PRKD3: variants seen among roughly 807,000 people sequenced by gnomAD.
PRKD3 encodes the protein protein kinase D3, also known as serine/threonine-protein kinase D3.
PRKD3 carries 47 observed loss-of-function variants against 99.2 expected under a neutral mutation model. That is an observed-to-expected ratio of 0.47 (90% CI 0.38 to 0.60). The LOEUF (loss-of-function observed/expected upper bound fraction) is 0.60. PRKD3 is among the 20% of genes least tolerant of loss of function. The probability of loss-of-function intolerance (pLI) is 0.00; values close to 1 mark genes in which losing one functional copy is unlikely to be tolerated. For synonymous variants in PRKD3, 392 were observed against 355.4 expected (o/e 1.10, Z -1.16); for missense variants, 1,019 against 1,088.4 (o/e 0.94, Z 0.90).
rs780818936 is a variant in PRKD3, at chr2:37,272,333, CTTATT to C, written c.1704+42_1704+46del. The stretch of plus-strand genomic sequence containing the variant: ...ATAAAGATTTTCACCTTTTATTTTC[CTTATT>C]TTAATCACCCAGTTTACACATTAGC... On this transcript the variant is annotated intron_variant, in intron 12 of 18. Coordinates refer to ENST00000234179, the MANE Select transcript of PRKD3 (RefSeq NM_005813.6). The C allele has an allele frequency of 1.9e-4, 299 of 1,589,526 alleles. No homozygotes were observed. The African/African-American group carries it at 3.7e-3, about 20-fold the overall frequency.
intron 8 of PRKD3, chr2:37,279,138 G>GA (rs1669717671): frequency 1.3e-5 from 2 of 152,172 alleles, no homozygotes; most frequent in South Asian, 4.1e-4. Context: ...TGTTTCCAAT[G>GA]AAAAACAAAA....
chr2:37,253,050 A>G lies in PRKD3; in HGVS notation c.*127T>C. ...CATTATGAACTACAGTACTGGTGTC[A>G]CTTATTCGTTATCATATTTCTTCAT... On this transcript the variant is annotated 3_prime_UTR_variant, in exon 19 of 19. Coordinates refer to ENST00000234179, the MANE Select transcript of PRKD3 (RefSeq NM_005813.6). 1 of 969,112 alleles carries G rather than the reference A, an allele frequency of 1.0e-6. No individual in the cohort carries two copies. The highest frequency in any genetic ancestry group is 1.5e-6 in the Non-Finnish European group (1 of 670,322). The allele number at this position is 969,112 out of a possible 1,614,324, so 60.0% of individuals were successfully genotyped here. A position where few individuals can be genotyped will look rare whatever the true frequency, so the allele number is the denominator to read the frequency against.
intron 2 of PRKD3, among the ~76,000 whole-genome samples, chr2:37,299,141 G>A (rs7572751): frequency 0.073 from 11,069 of 152,084 alleles, 1,367 homozygotes; most frequent in African/African-American, 0.25. Context: ...AGTTTTCATT[G>A]TGTTGAATTT....
intron 11 of PRKD3, among the ~76,000 whole-genome samples, chr2:37,272,831 A>T (rs1212013412): frequency 1.3e-5 from 2 of 152,128 alleles, no homozygotes; most frequent in African/African-American, 4.8e-5. Context: ...AAAAATTTTA[A>T]AATTAGCCAG....
intron 2 of PRKD3, among the ~76,000 whole-genome samples, chr2:37,308,305 TTC>T (rs1455159209): frequency 2.0e-5 from 3 of 152,248 alleles, no homozygotes; most frequent in African/African-American, 7.2e-5. Context: ...TTTTCATGTT[TTC>T]TTTTATTGAT....
At position 37,275,175 on chromosome 2, in the gene PRKD3, G is replaced by A. The variant is rs537933023; in HGVS notation, c.1375-478C>T. On this transcript the variant is annotated intron_variant, in intron 10 of 18. Transcript: ENST00000234179. ...ACCTGTAGCAATCATTATATTTTTA[G>A]TCCACTTCCTAAGGCAAAAAAAAAA... 1.3e-4 allele frequency among the ~76,000 whole-genome samples: 20 copies of A among 148,522 alleles called. No individual in the cohort carries two copies. The South Asian group carries it at 4.5e-3, about 33-fold the overall frequency.
chr2:37,264,340 C>CA, intron 14 of PRKD3, among the ~76,000 whole-genome samples: 2 of 152,112 alleles, frequency 1.3e-5, no homozygotes, highest in Non-Finnish European at 2.9e-5. Context: ...GCCGTGTACC[C>CA]AGTACTATGT....
At chr2:37,309,940 C>A (rs1443883601) in intron 2 of PRKD3, among the ~76,000 whole-genome samples, 1 of 151,494 alleles carries the variant, frequency 6.6e-6, no homozygotes, top group Non-Finnish European at 1.5e-5. Context: ...TTTTCACATG[C>A]AGCCCAAGAA....
At position 37,303,201 on chromosome 2, in the gene PRKD3, C is replaced by T. The variant is rs75560377; in HGVS notation, c.289-9930G>A. Among the ~76,000 whole-genome samples, 835 of 152,178 alleles carry T rather than the reference C, an allele frequency of 5.5e-3. 7 individuals carry two copies. Among genetic ancestry groups the T allele is most frequent in the South Asian group, 0.034 (165 of 4,814 alleles). ...TCAGGAGAAGATTACCTGCCCGTCCCGTCCCCTCTCCCACATCCCACTCTG... is the reference window on the plus strand; with the variant it reads ...TCAGGAGAAGATTACCTGCCCGTCCTGTCCCCTCTCCCACATCCCACTCTG... On this transcript the variant is annotated intron_variant, in intron 2 of 18. Coordinates refer to ENST00000234179, the MANE Select transcript of PRKD3 (RefSeq NM_005813.6).
intron 2 of PRKD3, among the ~76,000 whole-genome samples, chr2:37,298,415 T>TC (rs1670767921): frequency 1.3e-5 from 2 of 148,776 alleles, no homozygotes; most frequent in Admixed American, 6.6e-5. Flanking sequence ...AAAGTTATTT[T>TC]TTTTTTTAAA....
intron 7 of PRKD3, 168 bp downstream of exon 7, chr2:37,282,374 A>G: frequency 1.8e-6 from 1 of 565,890 alleles, no homozygotes; most frequent in Non-Finnish European, 3.2e-6. Flanking sequence ...GTGATTACTA[A>G]TAAATGTATA....
Position 37,253,293 on chromosome 2 carries a change from TG to T in PRKD3, c.2556del (p.Tyr852Ter). 6.2e-7 allele frequency: 1 copy of T among 1,613,176 alleles called. No homozygotes were observed. Among genetic ancestry groups the T allele is most frequent in the Non-Finnish European group, 8.5e-7 (1 of 1,179,322 alleles). ...REFETRIGER[Y>X]ITHESDDARW... is the part of the protein sequence containing the mutation. ...CGAGCATCATCACTTTCATGTGTAA[TG>T]TAACGTTCTCCAATGCGAGTTTCAA... On this transcript the variant is annotated frameshift_variant, in exon 19 of 19. Coordinates refer to ENST00000234179, the MANE Select transcript of PRKD3 (RefSeq NM_005813.6). LOFTEE classifies it high-confidence loss of function.
chr2:37,259,029 T>G (rs1668202099), intron 16 of PRKD3, among the ~76,000 whole-genome samples: 2 of 147,458 alleles, frequency 1.4e-5, no homozygotes, highest in African/African-American at 5.0e-5. Flanking sequence ...GCAATAAATT[T>G]AGTGGATCAA....
intron 17 of PRKD3, 42 bp from the exon 18 acceptor site, chr2:37,254,331 C>CA (rs1667763827): frequency 6.8e-7 from 1 of 1,479,558 alleles, no homozygotes. Flanking sequence ...TTTGGGTGCA[C>CA]AGAGTACCCC....
At chr2:37,262,901 C>CA (rs1668575619) in intron 14 of PRKD3, among the ~76,000 whole-genome samples, 1 of 147,624 alleles carries the variant, frequency 6.8e-6, no homozygotes, top group Admixed American at 7.1e-5. Flanking sequence ...TCCTTCCCCC[C>CA]CCCGTATTTG....
intron 2 of PRKD3, among the ~76,000 whole-genome samples, chr2:37,310,550 A>T (rs1671380600): frequency 6.6e-6 from 1 of 152,252 alleles, no homozygotes; most frequent in Admixed American, 6.5e-5. Context: ...TTATTCAACC[A>T]AAGAATATTC....
rs555704259 is a variant in PRKD3 at position 37,305,638 on chromosome 2, C to A, written c.288+10599G>T. On this transcript the variant is annotated intron_variant, in intron 2 of 18. Coordinates refer to ENST00000234179, the MANE Select transcript of PRKD3 (RefSeq NM_005813.6). Reference sequence around the variant, plus strand: ...ACTCTTAAAACAAGTAATCCAGGCCCTTTAATAAGATAAACACTTTATCTC... The same window carrying A: ...ACTCTTAAAACAAGTAATCCAGGCCATTTAATAAGATAAACACTTTATCTC... Among the ~76,000 whole-genome samples the A allele has an allele frequency of 1.2e-4, 18 of 152,312 alleles. No individual in the cohort carries two copies. The East Asian group carries it at 2.5e-3, about 21-fold the overall frequency.
At chr2:37,283,258 G>A (rs537164190) in intron 6 of PRKD3, among the ~76,000 whole-genome samples, 19 of 152,220 alleles carry the variant, frequency 1.2e-4, no homozygotes, top group South Asian at 4.1e-4. Context: ...AAATTCTTGC[G>A]CCCTATCCCA....
intron 17 of PRKD3, among the ~76,000 whole-genome samples, chr2:37,254,882 G>A (rs546702370): frequency 6.6e-6 from 1 of 152,294 alleles, no homozygotes; most frequent in Admixed American, 6.5e-5. Context: ...GTGTTTTAGT[G>A]TACATGGTGA....
Sources: allele counts gnomAD v4.1 joint callset (sites outside exome capture counted in the v4.1 genomes callset), GRCh38; gene constraint gnomAD v4.1.1; transcripts MANE v1.5; gene names NCBI Gene and HGNC (gene_info 2026-07-23, HGNC 2026-07-21).